Variants in ZNRF2 observed in about 807,000 individuals in gnomAD.
The protein encoded by ZNRF2 is zinc and ring finger 2, also known as E3 ubiquitin-protein ligase ZNRF2.
In ZNRF2, 16 loss-of-function variants were observed where a neutral mutation model predicts 20.4. That is an observed-to-expected ratio of 0.79 (90% CI 0.53 to 1.19). ZNRF2 has a LOEUF of 1.19. Among genes scored for constraint, ZNRF2 ranks in the 50% most tolerant of loss-of-function variants. The pLI is 0.00. For missense variants in ZNRF2, 363 were observed against 332.4 expected (o/e 1.09, Z -0.72); for synonymous variants, 178 against 144.9 (o/e 1.23, Z -1.64).
At chr7:30,351,273 C>G (rs988686379) in intron 2 of ZNRF2, among the ~76,000 whole-genome samples, 2 of 151,786 alleles carry the variant, frequency 1.3e-5, no homozygotes, top group African/African-American at 4.8e-5. Flanking sequence ...TCATATTTTA[C>G]CAAAATTAAA....
rs1798989435 is a variant in ZNRF2, at chr7:30,295,038, AGAGAGAGAGAGAGTGT to A, written c.469+9214_469+9229del. Among the ~76,000 whole-genome samples, 3 of 112,948 alleles carry A rather than the reference AGAGAGAGAGAGAGTGT, an allele frequency of 2.7e-5. No homozygotes were observed. The South Asian group carries it at 9.2e-4, about 35-fold the overall frequency. The allele number at this position is 112,948 out of a possible 152,430, so 74.1% of individuals were successfully genotyped here. On this transcript the variant is annotated intron_variant, in intron 1 of 4. Coordinates refer to ENST00000323037, the MANE Select transcript of ZNRF2 (RefSeq NM_147128.4). ...AGGAGAGAGAGAGAGAGAGAGAGAG[AGAGAGAGAGAGAGTGT>A]GTGTGTGTGTGTGTGTGTGTGTGTG...
At chr7:30,296,866 C>A (rs1799027902) in intron 1 of ZNRF2, among the ~76,000 whole-genome samples, 1 of 152,180 alleles carries the variant, frequency 6.6e-6, no homozygotes, top group African/African-American at 2.4e-5. Context: ...AGGAAAGTTA[C>A]TTCATAAGCA....
At chr7:30,288,213 A>G (rs1272537551) in intron 1 of ZNRF2, among the ~76,000 whole-genome samples, 2 of 152,214 alleles carry the variant, frequency 1.3e-5, no homozygotes, top group African/African-American at 2.4e-5. Flanking sequence ...ATCTATTATA[A>G]CATTATTGTG....
At chr7:30,299,350 C>T (rs570330829) in intron 1 of ZNRF2, among the ~76,000 whole-genome samples, 87 of 150,692 alleles carry the variant, frequency 5.8e-4, no homozygotes, top group Non-Finnish European at 1.0e-3. Flanking sequence ...ACCCGGGAGG[C>T]GGAGGTTGCA....
intron 3 of ZNRF2, among the ~76,000 whole-genome samples, chr7:30,361,064 CAGAGTT>C (rs1319881953): frequency 6.6e-6 from 1 of 152,154 alleles, no homozygotes; most frequent in Non-Finnish European, 1.5e-5. Flanking sequence ...CATGATGAGC[CAGAGTT>C]ACCTGGTTGT....
At chr7:30,330,459 A>G (rs117517063) in intron 2 of ZNRF2, among the ~76,000 whole-genome samples, 2,321 of 152,248 alleles carry the variant, frequency 0.015, 20 homozygotes, top group Non-Finnish European at 0.025. Context: ...GGGAGAATCT[A>G]TTTTGTCAGG....
chr7:30,361,118 C>T (rs1156397815), intron 3 of ZNRF2, among the ~76,000 whole-genome samples: 1 of 152,100 alleles, frequency 6.6e-6, no homozygotes, highest in Non-Finnish European at 1.5e-5. Context: ...CAAATAGATA[C>T]TATTCAGATA....
intron 1 of ZNRF2, among the ~76,000 whole-genome samples, chr7:30,292,285 ATTC>A (rs1798925266): frequency 6.6e-6 from 1 of 152,214 alleles, no homozygotes; most frequent in Non-Finnish European, 1.5e-5. Context: ...TGGGTTACAT[ATTC>A]TTTGATAACA....
At chr7:30,339,492 C>A (rs1417724953) in intron 2 of ZNRF2, among the ~76,000 whole-genome samples, 1 of 152,152 alleles carries the variant, frequency 6.6e-6, no homozygotes, top group Admixed American at 6.5e-5. Context: ...ATATGGCTAG[C>A]CAGTTTTCCC....
chr7:30,295,546 C>G (rs572273331), intron 1 of ZNRF2, among the ~76,000 whole-genome samples: 3 of 152,172 alleles, frequency 2.0e-5, no homozygotes, highest in Admixed American at 6.5e-5. Flanking sequence ...CCAGGTTCTA[C>G]CAAAAATACA....
chr7:30,350,978 T>C (rs1799953096), intron 2 of ZNRF2, among the ~76,000 whole-genome samples: 1 of 151,696 alleles, frequency 6.6e-6, no homozygotes, highest in Non-Finnish European at 1.5e-5. Flanking sequence ...CCTAACAAAT[T>C]CAGTCTTATT....
At chr7:30,295,540 G>C (rs1799005427) in intron 1 of ZNRF2, among the ~76,000 whole-genome samples, 1 of 152,046 alleles carries the variant, frequency 6.6e-6, no homozygotes, top group Admixed American at 6.6e-5. Context: ...TGAAACCCAG[G>C]TTCTACCAAA....
At chr7:30,351,033 T>C (rs1799954798) in intron 2 of ZNRF2, among the ~76,000 whole-genome samples, 1 of 151,440 alleles carries the variant, frequency 6.6e-6, no homozygotes, top group Admixed American at 6.6e-5. Flanking sequence ...ATTTTGGCTG[T>C]TTGCTTTTTT....
intron 3 of ZNRF2, 22 bp downstream of exon 3, chr7:30,355,855 TAGAGTA>T: frequency 6.4e-7 from 1 of 1,574,626 alleles, no homozygotes; most frequent in Non-Finnish European, 8.7e-7. Context: ...AAGTTGGTAT[TAGAGTA>T]AAAGATTGTT....
At chr7:30,336,683 G>A (rs1799720440) in intron 2 of ZNRF2, among the ~76,000 whole-genome samples, 1 of 152,040 alleles carries the variant, frequency 6.6e-6, no homozygotes, top group Admixed American at 6.6e-5. Context: ...AAAATTTAGG[G>A]GAGCAGGAAG....
At chr7:30,297,249 C>T (rs1174785429) in intron 1 of ZNRF2, among the ~76,000 whole-genome samples, 2 of 152,192 alleles carry the variant, frequency 1.3e-5, no homozygotes, top group Non-Finnish European at 2.9e-5. Flanking sequence ...TTGAGACCCT[C>T]TGACCTACCC....
At chr7:30,360,652 G>A (rs1170622427) in intron 3 of ZNRF2, among the ~76,000 whole-genome samples, 1 of 152,098 alleles carries the variant, frequency 6.6e-6, no homozygotes, top group African/African-American at 2.4e-5. Flanking sequence ...TTGAGATGTT[G>A]CCACTGCACT....
intron 2 of ZNRF2, among the ~76,000 whole-genome samples, chr7:30,338,774 C>T (rs1440786756): frequency 6.6e-6 from 1 of 152,094 alleles, no homozygotes; most frequent in Non-Finnish European, 1.5e-5. Context: ...GATTTATACT[C>T]CTTTGGGTAT....
intron 2 of ZNRF2, among the ~76,000 whole-genome samples, chr7:30,330,649 G>A (rs1205575152): frequency 6.6e-6 from 1 of 151,942 alleles, no homozygotes; most frequent in Non-Finnish European, 1.5e-5. Context: ...TAAGTTATAA[G>A]CCTATCTTCT....
Sources: gnomAD v4.1 joint callset for allele counts (sites outside exome capture counted in the v4.1 genomes callset) on GRCh38, gnomAD v4.1.1 for gene constraint, MANE v1.5 for transcripts, NCBI Gene and HGNC (gene_info 2026-07-23, HGNC 2026-07-21) for gene names.